The following IL1RAPL2 variants were observed in gnomAD, a reference collection of about 807,000 sequenced individuals.
The protein encoded by IL1RAPL2 is X-linked interleukin-1 receptor accessory protein-like 2.
IL1RAPL2 carries 3 observed loss-of-function variants against 44.1 expected under a neutral mutation model. That is an observed-to-expected ratio of 0.07 (90% CI 0.03 to 0.18). The LOEUF is 0.18. IL1RAPL2 is among the 10% of genes least tolerant of loss of function. IL1RAPL2 has a pLI of 1.00. For missense variants in IL1RAPL2, 391 were observed against 496.4 expected, an observed-to-expected ratio of 0.79 and a Z score of 2.02; for synonymous variants, 181 against 178.8, an observed-to-expected ratio of 1.01 and a Z score of -0.10.
intron 5 of IL1RAPL2, among the ~76,000 whole-genome samples, chrX:105,305,159 T>C: frequency 9.0e-6 from 1 of 111,637 alleles, no homozygotes; most frequent in Non-Finnish European, 1.9e-5. Flanking sequence ...CATTGAGTAT[T>C]ACATCTTAAC....
Position 104,605,439 on chromosome X carries a change from G to A in IL1RAPL2, c.-20+38388G>A, listed in dbSNP as rs1025311643. ...GAAGCAAGAACAAACAAATTCAAAA[G>A]CTAGCAGAAGACAAGAAATAACTAA... On this transcript the variant is annotated intron_variant, in intron 1 of 10. Coordinates refer to ENST00000372582, the MANE Select transcript of IL1RAPL2 (RefSeq NM_017416.2). 4.5e-5 allele frequency among the ~76,000 whole-genome samples: 5 copies of A among 111,456 alleles called. No homozygotes were observed. In the South Asian group the frequency reaches 1.9e-3, roughly 42 times the overall value.
At chrX:105,380,452 A>G (rs1056869847) in intron 5 of IL1RAPL2, among the ~76,000 whole-genome samples, 1 of 110,755 alleles carries the variant, frequency 9.0e-6, no homozygotes, top group African/African-American at 3.3e-5. Context: ...CCTGATTGAA[A>G]GGAGGATATG....
chrX:105,357,777 T>C (rs2035214366), intron 5 of IL1RAPL2, among the ~76,000 whole-genome samples: 1 of 110,373 alleles, frequency 9.1e-6, no homozygotes, highest in African/African-American at 3.3e-5. Flanking sequence ...ATCCAAGATA[T>C]CTTCTCTAGT....
chrX:104,818,127 C>A (rs979669715), intron 2 of IL1RAPL2, among the ~76,000 whole-genome samples: 2 of 109,414 alleles, frequency 1.8e-5, no homozygotes, highest in Non-Finnish European at 3.8e-5. Context: ...GAGGCCGAGG[C>A]GGGAGGATCA....
At chrX:104,671,695 A>G (rs112073293) in intron 2 of IL1RAPL2, among the ~76,000 whole-genome samples, 27 of 111,851 alleles carry the variant, frequency 2.4e-4, no homozygotes, top group African/African-American at 8.8e-4. Context: ...ATAATAGTTG[A>G]TCTACGAATG....
At chrX:105,060,388 A>G (rs1485340375) in intron 2 of IL1RAPL2, among the ~76,000 whole-genome samples, 1 of 111,463 alleles carries the variant, frequency 9.0e-6, no homozygotes, top group Non-Finnish European at 1.9e-5. Flanking sequence ...CATTCTGTTG[A>G]TATGATGTAT....
At chrX:105,666,910 T>C (rs1266797542) in intron 6 of IL1RAPL2, among the ~76,000 whole-genome samples, 1 of 111,944 alleles carries the variant, frequency 8.9e-6, no homozygotes, top group Non-Finnish European at 1.9e-5. Flanking sequence ...ATAGGCTCTC[T>C]GTAGGGGGAA....
Position 105,012,670 on chromosome X carries a change from C to CAG in IL1RAPL2, c.83-182804_83-182803insGA, listed in dbSNP as rs1309455136. On this transcript the variant is annotated intron_variant, in intron 2 of 10. Coordinates refer to ENST00000372582, the MANE Select transcript of IL1RAPL2 (RefSeq NM_017416.2). ...TCACACACACACACACACACACACA[C>CAG]ACACAGAGAGAGAGAGAGAGAATAA... Among the ~76,000 whole-genome samples, 420 of 80,593 alleles carry CAG rather than the reference C, an allele frequency of 5.2e-3. 7 individuals carry two copies. Among genetic ancestry groups the CAG allele is most frequent in the African/African-American group, 0.021 (391 of 18,307 alleles). The allele number at this position is 80,593 out of a possible 115,157, so 70.0% of individuals were successfully genotyped here.
In IL1RAPL2 at chrX:105,752,867, T is replaced by C. The variant is rs1355941263; in HGVS notation, c.1193-2310T>C. 1.3e-5 allele frequency: 4 copies of C among 310,876 alleles called. No homozygotes were observed. In the East Asian group the frequency reaches 4.0e-4, roughly 31 times the overall value. The allele number at this position is 310,876 out of a possible 1,213,427, so 25.6% of individuals were successfully genotyped here. A position where few individuals can be genotyped will look rare whatever the true frequency, so the allele number is the denominator to read the frequency against. ...TCTGACATGGTGGCTTTGAGAGCTGTCTTCCTGCTCTGGCCAGCCACCATA... is the reference window on the plus strand; with the variant it reads ...TCTGACATGGTGGCTTTGAGAGCTGCCTTCCTGCTCTGGCCAGCCACCATA... On this transcript the variant is annotated intron_variant, in intron 9 of 10. Transcript: ENST00000372582.
chrX:104,891,332 G>A (rs1319293092), intron 2 of IL1RAPL2, among the ~76,000 whole-genome samples: 1 of 111,928 alleles, frequency 8.9e-6, no homozygotes, highest in Non-Finnish European at 1.9e-5. Context: ...CCAATTTTGT[G>A]AAGAAAGTCA....
At chrX:104,849,854 A>G (rs1426127140) in intron 2 of IL1RAPL2, among the ~76,000 whole-genome samples, 1 of 111,405 alleles carries the variant, frequency 9.0e-6, no homozygotes, top group Non-Finnish European at 1.9e-5. Context: ...AATTTTTATG[A>G]GTGCTCATTT....
intron 7 of IL1RAPL2, among the ~76,000 whole-genome samples, chrX:105,730,060 A>AAGAT (rs1022038282): frequency 9.0e-6 from 1 of 111,433 alleles, no homozygotes; most frequent in African/African-American, 3.3e-5. Flanking sequence ...TCCCACTTAA[A>AAGAT]AGATATAGAT....
At chrX:104,888,560 T>C (rs1429575334) in intron 2 of IL1RAPL2, among the ~76,000 whole-genome samples, 1 of 111,042 alleles carries the variant, frequency 9.0e-6, no homozygotes, top group Non-Finnish European at 1.9e-5. Context: ...CTTCCTTGGA[T>C]ACCTCATACA....
Position 104,877,843 on chromosome X carries a change from C to G in IL1RAPL2, c.82+218848C>G, listed in dbSNP as rs754568576. 1.3e-4 allele frequency among the ~76,000 whole-genome samples: 14 copies of G among 111,109 alleles called. No homozygotes were observed. In the East Asian group the frequency reaches 3.7e-3, roughly 29 times the overall value. On this transcript the variant is annotated intron_variant, in intron 2 of 10. Coordinates refer to ENST00000372582, the MANE Select transcript of IL1RAPL2 (RefSeq NM_017416.2). ...ATTGTTTACTGGAAGAGATGGCAAA[C>G]AAGCTCATAGAGAAGTAATGGACAT...
At position 105,204,495 on chromosome X, in the gene IL1RAPL2, C is replaced by G. The variant is rs782806320; in HGVS notation, c.356+8747C>G. Among the ~76,000 whole-genome samples, 110 of 111,789 alleles carry G rather than the reference C, an allele frequency of 9.8e-4. 1 individual carries two copies. The highest frequency in any genetic ancestry group is 2.6e-4 in the Non-Finnish European group (14 of 53,166). On this transcript the variant is annotated intron_variant, in intron 3 of 10. Transcript: ENST00000372582. ...TGAAAAGTAACTTCAGTGAAAATAT[C>G]CATTCAATGCTTATATGGACTAATA...
intron 5 of IL1RAPL2, among the ~76,000 whole-genome samples, chrX:105,308,510 A>G (rs190887336): frequency 1.9e-4 from 21 of 112,268 alleles, no homozygotes. Context: ...TTCCAAGTCA[A>G]TCCTTCTCTC....
At position 105,749,047 on chromosome X, in the gene IL1RAPL2, A is replaced by G; in HGVS notation, c.1136A>G (p.Asn379Ser). 9 of 1,209,722 alleles carry G rather than the reference A, an allele frequency of 7.4e-6. No homozygotes were observed. Among genetic ancestry groups the G allele is most frequent in the Non-Finnish European group, 1.0e-5 (9 of 893,802 alleles). Residue 379 changes from asparagine to serine, a missense_variant, in exon 9 of 11, where the codon AAC (asparagine) becomes AGC (serine). Coordinates refer to ENST00000372582, the MANE Select transcript of IL1RAPL2 (RefSeq NM_017416.2). ...VLLVVIYKCY[N>S]IELMLFYRQH... is the part of the protein sequence containing the mutation. ...CTGGTGGTCATTTACAAATGCTACA[A>G]CATTGAATTGATGCTCTTCTACAGG...
chrX:104,822,330 A>G (rs921127538), intron 2 of IL1RAPL2, among the ~76,000 whole-genome samples: 1 of 111,998 alleles, frequency 8.9e-6, no homozygotes, highest in Non-Finnish European at 1.9e-5. Flanking sequence ...GCCCATGCCT[A>G]TGTCCTGAAT....
intron 1 of IL1RAPL2, among the ~76,000 whole-genome samples, chrX:104,651,402 G>A (rs1282174071): frequency 8.0e-5 from 9 of 112,007 alleles, no homozygotes; most frequent in Non-Finnish European, 1.5e-4. Context: ...TCTAGTTCAT[G>A]TTTTTGGTGA....
Sources: gnomAD v4.1 joint callset for allele counts (sites outside exome capture counted in the v4.1 genomes callset) on GRCh38, gnomAD v4.1.1 for gene constraint, MANE v1.5 for transcripts, NCBI Gene and HGNC (gene_info 2026-07-23, HGNC 2026-07-21) for gene names.